The following TYRO3 variants were observed in gnomAD, a reference collection of about 807,000 sequenced individuals.
The protein encoded by TYRO3 is TYRO3 protein tyrosine kinase.
Under a neutral mutation model 95.2 loss-of-function variants are expected in TYRO3, and 38 were observed. The ratio of observed to expected loss-of-function variants is 0.40; its 90% CI spans 0.31 to 0.52. The LOEUF (loss-of-function observed/expected upper bound fraction) is 0.52. TYRO3 is among the 20% of genes least tolerant of loss of function. The pLI is 0.56. For missense variants in TYRO3, 812 were observed against 1,116.4 expected (o/e 0.73, Z 3.89); for synonymous variants, 367 against 432.9 (o/e 0.85, Z 1.89).
chr15:41,576,853 A>G (rs550769865), intron 18 of TYRO3, among the ~76,000 whole-genome samples: 95 of 150,854 alleles, frequency 6.3e-4, no homozygotes, highest in Middle Eastern at 3.5e-3. Flanking sequence ...TAATAGAGAC[A>G]TGGTCTCGCT....
chr15:41,569,961 T>A, intron 9 of TYRO3, 66 bp from the exon 10 acceptor site: 1 of 1,558,848 alleles, frequency 6.4e-7, no homozygotes, highest in Non-Finnish European at 8.7e-7. Context: ...ATGGCCATCC[T>A]GGGAAAGTTC....
intron 2 of TYRO3, 107 bp downstream of exon 2, chr15:41,561,417 G>GT (rs970637386): frequency 4.0e-5 from 60 of 1,502,382 alleles, no homozygotes; most frequent in African/African-American, 3.7e-4. Flanking sequence ...GAGGTCTGTG[G>GT]TTTTTTTATT....
At position 41,564,232 on chromosome 15, in the gene TYRO3, G is replaced by A. The variant is rs1395618928; in HGVS notation, c.629G>A (p.Gly210Asp). ...TCCTGTGAAGCTCACAACCTAAAAGGCCTGGCCTCTTCTCGCACAGCCACT... is the reference window on the plus strand; with the variant it reads ...TCCTGTGAAGCTCACAACCTAAAAGACCTGGCCTCTTCTCGCACAGCCACT... ...MFSCEAHNLK[G>D]LASSRTATVH... The change falls in exon 5 of 19, where the codon GGC becomes GAC. Residue 210 changes from glycine to aspartate, a missense_variant. Transcript: ENST00000263798. 6.2e-7 allele frequency: 1 copy of A among 1,614,172 alleles called. No homozygotes were observed.
At chr15:41,569,115 C>T in intron 9 of TYRO3, 93 bp downstream of exon 9, 4 of 1,446,762 alleles carry the variant, frequency 2.8e-6, no homozygotes, top group South Asian at 2.5e-5. Flanking sequence ...TAGCATCTCC[C>T]CTCCTAGTAG....
At chr15:41,559,561 G>C (rs897843196) in intron 1 of TYRO3, among the ~76,000 whole-genome samples, 180 bp downstream of exon 1, 1 of 152,300 alleles carries the variant, frequency 6.6e-6, no homozygotes, top group East Asian at 1.9e-4. Context: ...CTCCGGCCGG[G>C]CCCCCACCCC....
chr15:41,570,891 A>G (rs1343456645), intron 12 of TYRO3, 147 bp from the exon 13 acceptor site: 3 of 962,620 alleles, frequency 3.1e-6, no homozygotes, highest in Non-Finnish European at 4.9e-6. Flanking sequence ...TGCTCCCAGC[A>G]TGCTCTTGCT....
chr15:41,577,180 T>C (rs2055870219), intron 18 of TYRO3, among the ~76,000 whole-genome samples: 1 of 152,106 alleles, frequency 6.6e-6, no homozygotes, highest in African/African-American at 2.4e-5. Flanking sequence ...AATAATAAGC[T>C]AGGATGTGCC....
At position 41,578,302 on chromosome 15, in the gene TYRO3, A is replaced by T; in HGVS notation, c.*26A>T. On this transcript the variant is annotated 3_prime_UTR_variant, in exon 19 of 19. Transcript: ENST00000263798. The stretch of plus-strand genomic sequence containing the variant: ...CCCACAGGCAGAGGGCATCGGGGCC[A>T]TTTGGCCGGCTCTGGTGGCCACTGA... 1 of 1,612,558 alleles carries T rather than the reference A, an allele frequency of 6.2e-7. No individual in the cohort carries two copies. The highest frequency in any genetic ancestry group is 1.1e-5 in the South Asian group (1 of 90,976).
intron 18 of TYRO3, among the ~76,000 whole-genome samples, chr15:41,575,445 G>A (rs1394426256): frequency 1.3e-5 from 2 of 152,244 alleles, no homozygotes; most frequent in Non-Finnish European, 2.9e-5. Context: ...GAGTGGGCAG[G>A]CACTGGCCTC....
At chr15:41,559,484 G>A (rs913575601) in intron 1 of TYRO3, 103 bp downstream of exon 1, 1 of 273,166 alleles carries the variant, frequency 3.7e-6, no homozygotes, top group East Asian at 6.4e-5. Flanking sequence ...TCGGGGTGGG[G>A]GTCCGGAGCC....
chr15:41,572,400 C>G (rs202139635), intron 14 of TYRO3, 43 bp from the exon 15 acceptor site: 228 of 1,540,614 alleles, frequency 1.5e-4, no homozygotes, highest in Middle Eastern at 1.0e-3. Flanking sequence ...TGAACTGCCC[C>G]TTGACCCTTC....
rs778273799 is a variant in TYRO3, at chr15:41,568,313, G to C, written c.1058G>C (p.Gly353Ala). The change falls in exon 8 of 19, where the codon GGC (glycine) becomes GCC (alanine). Residue 353 changes from glycine to alanine, a missense_variant. Physicochemically the swap from Gly to Ala is moderately conservative, Grantham distance 60. Transcript: ENST00000263798. ...EEVIPEAPLE[G>A]PLGPYKLSWV... ...GTGATCCCCGAGGCCCCTTTGGAAG[G>C]CCCCCTGGGACCCTACAAACTGTCC... The C allele has an allele frequency of 2.4e-5, 38 of 1,613,926 alleles. No individual in the cohort carries two copies. Among genetic ancestry groups the C allele is most frequent in the Non-Finnish European group, 8.5e-6 (10 of 1,180,000 alleles).
chr15:41,571,322 G>T (rs1299670618), intron 13 of TYRO3, among the ~76,000 whole-genome samples: 2 of 152,180 alleles, frequency 1.3e-5, no homozygotes, highest in African/African-American at 4.8e-5. Flanking sequence ...TCTGCCATCG[G>T]CAGTGACTGT....
chr15:41,566,100 C>A (rs780822389), intron 6 of TYRO3, among the ~76,000 whole-genome samples: 9 of 151,924 alleles, frequency 5.9e-5, no homozygotes, highest in South Asian at 2.1e-4. Context: ...ATTGCTTGAG[C>A]CTGGGGGTTC....
At chr15:41,561,464 C>T in intron 2 of TYRO3, 75 bp from the exon 3 acceptor site, 2 of 1,340,402 alleles carry the variant, frequency 1.5e-6, no homozygotes, top group Non-Finnish European at 2.0e-6. Context: ...TGGGGGCAGG[C>T]TGAACTCATC....
At chr15:41,572,419 G>A in intron 14 of TYRO3, 24 bp from the exon 15 acceptor site, 1 of 1,356,264 alleles carries the variant, frequency 7.4e-7, no homozygotes, top group Middle Eastern at 2.1e-4. Flanking sequence ...TCTATGCTCA[G>A]CTCCTGACTC....
chr15:41,576,904 T>C (rs2055868007), intron 18 of TYRO3, among the ~76,000 whole-genome samples: 1 of 151,804 alleles, frequency 6.6e-6, no homozygotes, highest in African/African-American at 2.4e-5. Context: ...GGTCAAAGGA[T>C]CTTTTAGCCT....
At position 41,578,775 on chromosome 15, in the gene TYRO3, G is replaced by A. The variant is rs2055892398; in HGVS notation, c.*499G>A. On this transcript the variant is annotated 3_prime_UTR_variant, in exon 19 of 19. Transcript: ENST00000263798. ...GTCCTTGTAATATTCCCTTTTAGGT[G>A]AGGGTTGGTAAGGGGTTGGTATCTC... The A allele has an allele frequency of 1.2e-5, 2 of 170,644 alleles. No homozygotes were observed. The highest frequency in any genetic ancestry group is 2.4e-5 in the African/African-American group (1 of 41,748). 10.6% of individuals were successfully genotyped at this position (170,644 alleles called of 1,614,324 possible).
chr15:41,573,254 G>T (rs1264925575), intron 16 of TYRO3, 54 bp from the exon 17 acceptor site: 4 of 1,608,104 alleles, frequency 2.5e-6, no homozygotes, highest in African/African-American at 2.7e-5. Context: ...CCTGGCTCTT[G>T]TGGGCCTGTG....
Sources: gnomAD v4.1 joint callset for allele counts (sites outside exome capture counted in the v4.1 genomes callset) on GRCh38, gnomAD v4.1.1 for gene constraint, MANE v1.5 for transcripts, NCBI Gene and HGNC (gene_info 2026-07-23, HGNC 2026-07-21) for gene names.